PLEKHH2: variants seen among roughly 807,000 people sequenced by gnomAD.
PLEKHH2 encodes pleckstrin homology domain-containing family H member 2.
A neutral mutation model predicts 187.9 loss-of-function variants in PLEKHH2; 129 were observed. The ratio of observed to expected loss-of-function variants is 0.69; its 90% CI spans 0.59 to 0.79. PLEKHH2 has a LOEUF of 0.79. PLEKHH2 is among the 30% of genes least tolerant of loss of function. The pLI is 0.00. For missense variants in PLEKHH2, 2,076 were observed against 1,751.2 expected (o/e 1.19, Z -3.31); for synonymous variants, 686 against 605.6 (o/e 1.13, Z -1.95).
chr2:43,696,463 G>A (rs994012897), intron 6 of PLEKHH2, among the ~76,000 whole-genome samples: 6 of 148,852 alleles, frequency 4.0e-5, no homozygotes, highest in Non-Finnish European at 7.4e-5. Flanking sequence ...ACTCCAGCCT[G>A]GGCAACAAAG....
chr2:43,671,583 A>T (rs1360199368), intron 2 of PLEKHH2, among the ~76,000 whole-genome samples: 1 of 152,184 alleles, frequency 6.6e-6, no homozygotes, highest in Non-Finnish European at 1.5e-5. Flanking sequence ...GTATGATGTT[A>T]GTTATAGGTT....
In PLEKHH2 at chr2:43,637,371, GAT is replaced by G. The variant is rs778731959; in HGVS notation, c.-10_-9del. ...GCTGCGGCCGGGGACCCGCTGCTGA[GAT>G]AGACAGGTGAGAAAGCCCGGGGACG... On this transcript the variant is annotated 5_prime_UTR_variant, in exon 1 of 30. Coordinates refer to ENST00000282406, the MANE Select transcript of PLEKHH2 (RefSeq NM_172069.4). 1.3e-5 allele frequency: 2 copies of G among 152,470 alleles called. No individual in the cohort carries two copies. The highest frequency in any genetic ancestry group is 2.9e-5 in the Non-Finnish European group (2 of 68,262). 9.4% of individuals were successfully genotyped at this position (152,470 alleles called of 1,614,324 possible). A position where few individuals can be genotyped will look rare whatever the true frequency, so the allele number is the denominator to read the frequency against.
At chr2:43,642,690 T>G (rs1477367080) in intron 1 of PLEKHH2, among the ~76,000 whole-genome samples, 1 of 152,182 alleles carries the variant, frequency 6.6e-6, no homozygotes, top group African/African-American at 2.4e-5. Context: ...TTTTGTTGAA[T>G]GATTTTTCTG....
intron 2 of PLEKHH2, 83 bp from the exon 3 acceptor site, chr2:43,678,780 T>G: frequency 2.8e-6 from 2 of 724,036 alleles, no homozygotes; most frequent in Admixed American, 2.5e-5. Context: ...GGAGGTAGAA[T>G]TATGAGATTT....
intron 27 of PLEKHH2, among the ~76,000 whole-genome samples, chr2:43,761,143 T>C (rs1237543963): frequency 1.3e-5 from 2 of 152,192 alleles, no homozygotes; most frequent in African/African-American, 2.4e-5. Context: ...GGGTTTTGTA[T>C]ATATGAGATG....
In PLEKHH2 at chr2:43,718,137, T is replaced by A. The variant is rs554206020; in HGVS notation, c.2461-2532T>A. Among the ~76,000 whole-genome samples, 615 of 152,302 alleles carry A rather than the reference T, an allele frequency of 4.0e-3. 7 individuals are homozygous for A. Among genetic ancestry groups the A allele is most frequent in the Non-Finnish European group, 5.0e-3 (340 of 68,026 alleles). On this transcript the variant is annotated intron_variant, in intron 15 of 29. Transcript: ENST00000282406. ...TTTGTCATGGAAGCATGGTAAAAAA[T>A]TATTCTTTTAATTAGATCACCTTGA...
chr2:43,690,061 A>C (rs1668718473), intron 3 of PLEKHH2, among the ~76,000 whole-genome samples: 1 of 152,230 alleles, frequency 6.6e-6, no homozygotes, highest in Admixed American at 6.5e-5. Context: ...CTCTGTGCCC[A>C]GAGGAGAACT....
intron 25 of PLEKHH2, among the ~76,000 whole-genome samples, chr2:43,755,326 C>T (rs1268865332): frequency 6.6e-6 from 1 of 152,158 alleles, no homozygotes; most frequent in Non-Finnish European, 1.5e-5. Context: ...CCTTTTCCAC[C>T]AGTCACCACA....
chr2:43,711,757 G>A lies in PLEKHH2; in HGVS notation c.2302-468G>A, dbSNP rs566016967. Reference sequence around the variant, plus strand: ...ATTCAAAAAAAATTATCCGGGCATGGTGGCAGGTGCCTGTAAGTCCCAGCT... The same window carrying A: ...ATTCAAAAAAAATTATCCGGGCATGATGGCAGGTGCCTGTAAGTCCCAGCT... On this transcript the variant is annotated intron_variant, in intron 14 of 29. Transcript: ENST00000282406. The A allele has an allele frequency of 8.6e-5, 33 of 382,504 alleles. No individual in the cohort carries two copies. The Admixed American group carries it at 1.1e-3, about 13-fold the overall frequency. 23.7% of individuals were successfully genotyped at this position (382,504 alleles called of 1,614,324 possible). A position where few individuals can be genotyped will look rare whatever the true frequency, so the allele number is the denominator to read the frequency against.
At chr2:43,666,507 T>C (rs1311998117) in intron 2 of PLEKHH2, among the ~76,000 whole-genome samples, 1 of 152,144 alleles carries the variant, frequency 6.6e-6, no homozygotes, top group Non-Finnish European at 1.5e-5. Context: ...CCCCAACATA[T>C]GTTTAACTTA....
chr2:43,710,508 C>G lies in PLEKHH2; in HGVS notation c.2234C>G (p.Pro745Arg), dbSNP rs752213334. The change falls in exon 14 of 30, where the codon CCC becomes CGC. Residue 745 changes from proline (P) to arginine (R), a missense_variant. Pro to Arg is a moderately radical substitution (Grantham distance 103). Transcript: ENST00000282406. ...YKSPSDVIRKPQGHIELSASC... is the reference protein window; with the variant it reads ...YKSPSDVIRKRQGHIELSASC... Reference sequence around the variant, plus strand: ...ATACAGAGTGATGTAATTAGAAAACCCCAGGGCCATATTGAACTTAGTGCA... The same window carrying G: ...ATACAGAGTGATGTAATTAGAAAACGCCAGGGCCATATTGAACTTAGTGCA... The G allele has an allele frequency of 6.3e-7, 1 of 1,598,496 alleles. No homozygotes were observed. Among genetic ancestry groups the G allele is most frequent in the Non-Finnish European group, 8.5e-7 (1 of 1,176,532 alleles).
chr2:43,755,358 G>A (rs1012022944), intron 25 of PLEKHH2, among the ~76,000 whole-genome samples: 4 of 152,048 alleles, frequency 2.6e-5, no homozygotes, highest in Admixed American at 2.6e-4. Context: ...TGAACTCTTA[G>A]GGATGTTTTA....
chr2:43,668,630 G>T (rs549844713), intron 2 of PLEKHH2, among the ~76,000 whole-genome samples: 1 of 152,200 alleles, frequency 6.6e-6, no homozygotes, highest in Admixed American at 6.5e-5. Context: ...CTTCTGGAAG[G>T]TTCTCTAAAG....
At chr2:43,705,978 C>G (rs1248342634) in intron 9 of PLEKHH2, among the ~76,000 whole-genome samples, 1 of 152,162 alleles carries the variant, frequency 6.6e-6, no homozygotes. Flanking sequence ...CTATGTACTG[C>G]TTACTGAATT....
intron 9 of PLEKHH2, among the ~76,000 whole-genome samples, chr2:43,705,495 C>T (rs1022633993): frequency 6.6e-6 from 1 of 152,032 alleles, no homozygotes; most frequent in Non-Finnish European, 1.5e-5. Context: ...TGGCCTTAAG[C>T]AATCCTCCTG....
At chr2:43,689,239 T>C (rs1261493857) in intron 3 of PLEKHH2, among the ~76,000 whole-genome samples, 1 of 152,100 alleles carries the variant, frequency 6.6e-6, no homozygotes, top group Non-Finnish European at 1.5e-5. Flanking sequence ...TTAGGGACCT[T>C]GGGATCAAGA....
At chr2:43,675,995 T>C in intron 2 of PLEKHH2, 2 of 1,614,060 alleles carry the variant, frequency 1.2e-6, no homozygotes, top group Non-Finnish European at 1.7e-6. Context: ...CTTTCTATAT[T>C]GAACAAATTA....
At chr2:43,679,783 C>T (rs1668073054) in intron 3 of PLEKHH2, 1 of 152,322 alleles carries the variant, frequency 6.6e-6, no homozygotes, top group South Asian at 2.1e-4. Context: ...AGGTATTGTG[C>T]CTGGCCCCCT....
At chr2:43,753,912 T>A in intron 25 of PLEKHH2, 152 bp downstream of exon 25, 1 of 629,206 alleles carries the variant, frequency 1.6e-6, no homozygotes, top group South Asian at 3.6e-5. Flanking sequence ...TAATTATAGT[T>A]TGCCTCTAAA....
Sources: gnomAD v4.1 joint callset for allele counts (sites outside exome capture counted in the v4.1 genomes callset) on GRCh38, gnomAD v4.1.1 for gene constraint, MANE v1.5 for transcripts, NCBI Gene and HGNC (gene_info 2026-07-23, HGNC 2026-07-21) for gene names.